FBXO4: variants seen among roughly 807,000 people sequenced by gnomAD.
FBXO4 encodes F-box only protein 4.
In FBXO4, 36 loss-of-function variants were observed where a neutral mutation model predicts 43.7. The observed-to-expected ratio is 0.82, with a 90% confidence interval of 0.63 to 1.09. The LOEUF (loss-of-function observed/expected upper bound fraction) is 1.09. Ranked by LOEUF, FBXO4 falls within the 50% of genes least tolerant of loss-of-function variation. The pLI, the probability that FBXO4 is intolerant of heterozygous loss-of-function variation, is 0.00. For synonymous variants in FBXO4, 180 were observed against 165.6 expected (o/e 1.09, Z -0.67); for missense variants, 435 against 474.1 (o/e 0.92, Z 0.77).
chr5:41,939,008 G>T (rs1036214694), intron 5 of FBXO4, among the ~76,000 whole-genome samples: 3 of 152,206 alleles, frequency 2.0e-5, no homozygotes, highest in Non-Finnish European at 4.4e-5. Flanking sequence ...AATCATGGGA[G>T]TGATGCCCCA....
chr5:41,932,606 G>A (rs1751722405), intron 3 of FBXO4, among the ~76,000 whole-genome samples: 1 of 152,216 alleles, frequency 6.6e-6, no homozygotes, highest in African/African-American at 2.4e-5. Flanking sequence ...CATCTGAAGG[G>A]CAATGGCTTT....
At chr5:41,999,601 T>C in the FBXO4 span, among the ~76,000 whole-genome samples, 126 of 144,876 alleles carry the variant, frequency 8.7e-4, no homozygotes, top group Non-Finnish European at 1.5e-3. Context: ...TTAGGCCACA[T>C]GCTCACAAGG....
the FBXO4 span, among the ~76,000 whole-genome samples, chr5:42,021,244 G>C: frequency 2.0e-5 from 3 of 152,188 alleles, no homozygotes; most frequent in African/African-American, 7.2e-5. Context: ...TTAGCAACCA[G>C]TAGTGGCTTG....
Position 41,934,199 on chromosome 5 carries a change from T to C in FBXO4, c.789T>C (p.Asn263=), listed in dbSNP as rs201093238. 6.2e-6 allele frequency: 10 copies of C among 1,614,078 alleles called. 1 individual carries two copies. In the South Asian group the frequency reaches 8.8e-5, roughly 14 times the overall value. Residue 263 remains asparagine (N), a synonymous_variant, in exon 5 of 7, where the codon AAT becomes AAC. Coordinates refer to ENST00000281623, the MANE Select transcript of FBXO4 (RefSeq NM_012176.3). ...TTAACAAGATGTTCAGTCGACACAATGAAGGTGATGATCAACAAGGAAGCC... is the reference window on the plus strand; with the variant it reads ...TTAACAAGATGTTCAGTCGACACAACGAAGGTGATGATCAACAAGGAAGCC... ...SAVNKMFSRH[N]EGDDQQGSRY...
the FBXO4 span, chr5:41,968,193 G>A: frequency 4.0e-6 from 1 of 250,966 alleles, no homozygotes; most frequent in South Asian, 5.2e-5. Flanking sequence ...CTGTTCAGTT[G>A]GTGCAAAAGC....
Position 41,934,187 on chromosome 5 carries a change from C to T in FBXO4, c.777C>T (p.Phe259=), listed in dbSNP as rs770055685. ...EEHTSAVNKM[F]SRHNEGDDQQ... Reference sequence around the variant, plus strand: ...ATACAAGTGCAGTTAACAAGATGTTCAGTCGACACAATGAAGGTGATGATC... The same window carrying T: ...ATACAAGTGCAGTTAACAAGATGTTTAGTCGACACAATGAAGGTGATGATC... The change falls in exon 5 of 7, where the codon TTC becomes TTT. Residue 259 remains phenylalanine (F), a synonymous_variant. Coordinates refer to ENST00000281623, the MANE Select transcript of FBXO4 (RefSeq NM_012176.3). 9.3e-6 allele frequency: 15 copies of T among 1,614,040 alleles called. No individual in the cohort carries two copies. In the African/African-American group the frequency reaches 2.0e-4, roughly 22 times the overall value.
the FBXO4 span, among the ~76,000 whole-genome samples, chr5:42,031,678 G>T: frequency 6.6e-6 from 1 of 151,968 alleles, no homozygotes; most frequent in Non-Finnish European, 1.5e-5. Context: ...TCCAGGATTT[G>T]TCGTGAATGC....
chr5:41,941,278 A>G lies in FBXO4; in HGVS notation c.1161A>G (p.Arg387=). 3.7e-6 allele frequency: 6 copies of G among 1,612,900 alleles called. No homozygotes were observed. Among genetic ancestry groups the G allele is most frequent in the Non-Finnish European group, 5.1e-6 (6 of 1,178,970 alleles). ...ILEEVESKRA[R] ...AAGAAGTGGAATCTAAGCGTGCAAG[A>G]TGATTCTCTTTTCAGATCTTGGGAA... is the stretch of plus-strand genomic sequence containing the variant. Residue 387 remains arginine (R), a synonymous_variant, in exon 7 of 7, where the codon AGA becomes AGG. Transcript: ENST00000281623.
intron 3 of FBXO4, among the ~76,000 whole-genome samples, chr5:41,933,599 G>A (rs562600318): frequency 1.0e-3 from 157 of 152,222 alleles, no homozygotes; most frequent in Middle Eastern, 6.8e-3. Flanking sequence ...AGACTAATGA[G>A]AAACATAAAA....
At chr5:41,995,047 G>A in the FBXO4 span, among the ~76,000 whole-genome samples, 75 of 152,270 alleles carry the variant, frequency 4.9e-4, no homozygotes, top group African/African-American at 1.5e-3. Flanking sequence ...CCTAGTTGGC[G>A]TTGTAATTGT....
intron 1 of FBXO4, among the ~76,000 whole-genome samples, 193 bp from the exon 2 acceptor site, chr5:41,926,820 G>A (rs932236748): frequency 1.3e-5 from 2 of 152,222 alleles, no homozygotes; most frequent in African/African-American, 4.8e-5. Flanking sequence ...TAACAACTAC[G>A]AAACTAAAAT....
chr5:41,963,847 GAAATAATTA>G, the FBXO4 span: 1 of 152,096 alleles, frequency 6.6e-6, no homozygotes, highest in Non-Finnish European at 1.5e-5. Flanking sequence ...CAACTGTAAT[GAAATAATTA>G]GAATTTTTTT....
At chr5:42,011,631 A>G in the FBXO4 span, among the ~76,000 whole-genome samples, 34 of 152,298 alleles carry the variant, frequency 2.2e-4, no homozygotes, top group Middle Eastern at 3.4e-3. Context: ...CTGAGGCTCT[A>G]TTGTTTCTCA....
chr5:41,945,118 C>A (rs559190127), downstream of FBXO4, among the ~76,000 whole-genome samples: 20 of 152,096 alleles, frequency 1.3e-4, no homozygotes, highest in Non-Finnish European at 2.4e-4. Context: ...AAAAGATAGT[C>A]AATGAAGCAC....
At chr5:41,932,293 A>C (rs1160070780) in intron 3 of FBXO4, among the ~76,000 whole-genome samples, 1 of 152,180 alleles carries the variant, frequency 6.6e-6, no homozygotes, top group East Asian at 1.9e-4. Flanking sequence ...TTGAGAGGGT[A>C]ATCTCTGGGA....
chr5:42,036,559 T>G, the FBXO4 span, among the ~76,000 whole-genome samples: 8 of 152,104 alleles, frequency 5.3e-5, no homozygotes, highest in African/African-American at 1.7e-4. Context: ...TTAGTGAAAT[T>G]CAAATATTTA....
downstream of FBXO4, among the ~76,000 whole-genome samples, chr5:41,945,643 G>T (rs1419439497): frequency 6.6e-6 from 1 of 152,202 alleles, no homozygotes; most frequent in Admixed American, 6.5e-5. Context: ...GACGTTCATA[G>T]CTCTGGGAAT....
the FBXO4 span, among the ~76,000 whole-genome samples, chr5:41,960,796 CT>C: frequency 2.6e-5 from 4 of 151,640 alleles, no homozygotes; most frequent in East Asian, 3.9e-4. Flanking sequence ...TTATTTTGGT[CT>C]TTTTTTATTT....
At chr5:42,010,348 GA>G in the FBXO4 span, among the ~76,000 whole-genome samples, 12 of 150,354 alleles carry the variant, frequency 8.0e-5, no homozygotes, top group African/African-American at 1.5e-4. Flanking sequence ...AGCTACAAAA[GA>G]AAAAAAAACT....
Sources: allele counts gnomAD v4.1 joint callset (sites outside exome capture counted in the v4.1 genomes callset), GRCh38; gene constraint gnomAD v4.1.1; transcripts MANE v1.5; gene names NCBI Gene and HGNC (gene_info 2026-07-23, HGNC 2026-07-21).